Variants in ROBO1 observed in about 807,000 individuals in gnomAD.
The protein encoded by ROBO1 is roundabout guidance receptor 1.
A neutral mutation model predicts 195.9 loss-of-function variants in ROBO1; 149 were observed. That is an observed-to-expected ratio of 0.76 (90% CI 0.67 to 0.87). ROBO1 has a LOEUF of 0.87. ROBO1 is among the 40% of genes least tolerant of loss of function. ROBO1 has a pLI of 0.00. For synonymous variants in ROBO1, 816 were observed against 733.2 expected (o/e 1.11, Z -1.82); for missense variants, 1,933 against 2,068.3 (o/e 0.93, Z 1.27).
chr3:79,465,444 T>A (rs967823325), intron 2 of ROBO1, among the ~76,000 whole-genome samples: 4 of 152,210 alleles, frequency 2.6e-5, no homozygotes, highest in Non-Finnish European at 1.5e-5. Context: ...TCAGAAACTT[T>A]CATGTTACTC....
intron 2 of ROBO1, among the ~76,000 whole-genome samples, chr3:79,465,331 C>A (rs1937902863): frequency 6.6e-6 from 1 of 152,024 alleles, no homozygotes; most frequent in Admixed American, 6.6e-5. Context: ...CAAAAAAGAT[C>A]CCCTTAAGCA....
intron 2 of ROBO1, among the ~76,000 whole-genome samples, chr3:79,152,100 A>C (rs1055694269): frequency 6.6e-6 from 1 of 151,854 alleles, no homozygotes; most frequent in Non-Finnish European, 1.5e-5. Context: ...TCATTAAAAA[A>C]ATTCCGATTA....
At chr3:78,790,615 T>G (rs893948892) in intron 4 of ROBO1, among the ~76,000 whole-genome samples, 5 of 152,136 alleles carry the variant, frequency 3.3e-5, no homozygotes, top group African/African-American at 1.2e-4. Context: ...GTTCATTGCT[T>G]TTAATATTTG....
intron 30 of ROBO1, 116 bp downstream of exon 30, chr3:78,599,997 G>C (rs773361136): frequency 2.4e-6 from 2 of 832,800 alleles, no homozygotes; most frequent in South Asian, 1.4e-5. Flanking sequence ...ATAGACATTA[G>C]AGTACTGAAA....
intron 2 of ROBO1, among the ~76,000 whole-genome samples, chr3:79,387,077 A>G (rs2036778155): frequency 6.6e-6 from 1 of 152,118 alleles, no homozygotes; most frequent in South Asian, 2.1e-4. Context: ...TCCTTCATCT[A>G]TTTGCTTTTA....
chr3:79,567,303 G>C (rs1943121165), intron 2 of ROBO1, among the ~76,000 whole-genome samples: 1 of 152,070 alleles, frequency 6.6e-6, no homozygotes, highest in Non-Finnish European at 1.5e-5. Flanking sequence ...CTTAATACCT[G>C]GGTGATGAAA....
At chr3:79,727,581 T>G (rs555592309) in intron 1 of ROBO1, among the ~76,000 whole-genome samples, 4 of 152,332 alleles carry the variant, frequency 2.6e-5, no homozygotes, top group Admixed American at 2.6e-4. Context: ...AGTGTTTCTA[T>G]GTCTGTGTTG....
chr3:78,770,696 T>C lies in ROBO1; in HGVS notation c.500-23796A>G, dbSNP rs190042281. On this transcript the variant is annotated intron_variant, in intron 4 of 30. Coordinates refer to ENST00000464233, the MANE Select transcript of ROBO1 (RefSeq NM_002941.4). ...TTTTGAGGACATAGTCCTAAGTTCT[T>C]TTGCAAAGCCAATATCCAGAATAGT... Among the ~76,000 whole-genome samples, 465 of 152,306 alleles carry C rather than the reference T, an allele frequency of 3.1e-3. 1 individual carries two copies. The highest frequency in any genetic ancestry group is 4.5e-3 in the Non-Finnish European group (308 of 68,016).
At chr3:79,641,267 T>C (rs568082868) in intron 1 of ROBO1, among the ~76,000 whole-genome samples, 1 of 152,334 alleles carries the variant, frequency 6.6e-6, no homozygotes, top group Admixed American at 6.5e-5. Context: ...AAATCTGATT[T>C]AATATCTGAG....
At chr3:79,108,237 G>A (rs1444774791) in intron 3 of ROBO1, among the ~76,000 whole-genome samples, 1 of 151,684 alleles carries the variant, frequency 6.6e-6, no homozygotes, top group East Asian at 1.9e-4. Context: ...TCTCATTCAT[G>A]TAAGACAGCA....
chr3:78,656,399 G>A (rs1707019128), intron 18 of ROBO1, among the ~76,000 whole-genome samples: 1 of 144,108 alleles, frequency 6.9e-6, no homozygotes, highest in Non-Finnish European at 1.5e-5. Flanking sequence ...CGCCCAGGCT[G>A]GAGTGCAGTG....
intron 3 of ROBO1, among the ~76,000 whole-genome samples, chr3:79,072,022 A>G (rs1456411903): frequency 6.6e-6 from 1 of 151,924 alleles, no homozygotes; most frequent in Non-Finnish European, 1.5e-5. Flanking sequence ...ACTCCAAAGA[A>G]AGACATTTTT....
rs371839375 is a variant in ROBO1, at chr3:79,006,962, G to T, written c.173-68035C>A. ...TATAAAATGCAAGATTTGTTGGAAG[G>T]TTAGAAGAAAATTAAAAGTTATTTA... On this transcript the variant is annotated intron_variant, in intron 3 of 30. Transcript: ENST00000464233. 2.6e-5 allele frequency among the ~76,000 whole-genome samples: 4 copies of T among 152,152 alleles called. No individual in the cohort carries two copies. In the East Asian group the frequency reaches 7.7e-4, roughly 29 times the overall value.
chr3:78,860,127 GTAGGTAGA>G lies in ROBO1; in HGVS notation c.499+78466_499+78473del, dbSNP rs1157848874. Reference sequence around the variant, plus strand: ...GGTTTTAGGAAAGAAGGGAACATAGGTAGGTAGATAGGTAGATAGATAGATAGATAGAT... The same window carrying G: ...GGTTTTAGGAAAGAAGGGAACATAGGTAGGTAGATAGATAGATAGATAGAT... On this transcript the variant is annotated intron_variant, in intron 4 of 30. Transcript: ENST00000464233. 3.6e-5 allele frequency among the ~76,000 whole-genome samples: 5 copies of G among 137,790 alleles called. No individual in the cohort carries two copies. The South Asian group carries it at 9.2e-4, about 25-fold the overall frequency. 90.4% of individuals were successfully genotyped at this position (137,790 alleles called of 152,430 possible).
chr3:78,679,873 A>G (rs1284630145), intron 10 of ROBO1, among the ~76,000 whole-genome samples: 25 of 152,216 alleles, frequency 1.6e-4, no homozygotes, highest in Non-Finnish European at 1.3e-4. Context: ...CGCATCGCCA[A>G]GTCAATCCTA....
chr3:79,120,453 G>C (rs2080096031), intron 3 of ROBO1, among the ~76,000 whole-genome samples: 1 of 152,118 alleles, frequency 6.6e-6, no homozygotes. Context: ...GCACATCCTA[G>C]TAAAACTTTT....
chr3:79,157,065 A>C (rs1242017341), intron 2 of ROBO1, among the ~76,000 whole-genome samples: 1 of 151,794 alleles, frequency 6.6e-6, no homozygotes, highest in Non-Finnish European at 1.5e-5. Context: ...ATTTAAAACT[A>C]TATGTATATT....
intron 2 of ROBO1, among the ~76,000 whole-genome samples, chr3:79,161,446 AAAT>A (rs2080964569): frequency 1.3e-5 from 2 of 152,124 alleles, no homozygotes; most frequent in African/African-American, 4.8e-5. Flanking sequence ...GAAGAAAACC[AAAT>A]AATAGCCTAT....
intron 2 of ROBO1, among the ~76,000 whole-genome samples, chr3:79,472,012 C>A (rs962472447): frequency 3.3e-5 from 5 of 151,922 alleles, no homozygotes; most frequent in African/African-American, 1.2e-4. Context: ...TGTAGCAAAC[C>A]ACCAAGGCAC....
Sources: gnomAD v4.1 joint callset for allele counts (sites outside exome capture counted in the v4.1 genomes callset) on GRCh38, gnomAD v4.1.1 for gene constraint, MANE v1.5 for transcripts, NCBI Gene and HGNC (gene_info 2026-07-23, HGNC 2026-07-21) for gene names.